The following SLCO1C1 variants were observed in gnomAD, a reference collection of about 807,000 sequenced individuals.
SLCO1C1 encodes solute carrier organic anion transporter family member 1C1.
A neutral mutation model predicts 76.4 loss-of-function variants in SLCO1C1; 70 were observed. The observed-to-expected ratio is 0.92, with a 90% confidence interval of 0.76 to 1.12. The LOEUF (loss-of-function observed/expected upper bound fraction) is 1.12. Among genes scored for constraint, SLCO1C1 ranks in the 50% most tolerant of loss-of-function variants. The probability of loss-of-function intolerance (pLI) is 0.00; values close to 1 mark genes in which losing one functional copy is unlikely to be tolerated. For synonymous variants in SLCO1C1, 306 were observed against 286.1 expected (o/e 1.07, Z -0.70); for missense variants, 912 against 823.8 (o/e 1.11, Z -1.31).
chr12:20,750,585 AT>A, intron 13 of SLCO1C1, 89 bp from the exon 14 acceptor site: 1 of 1,172,894 alleles, frequency 8.5e-7, no homozygotes, highest in East Asian at 2.3e-5. Context: ...CAAAACAGTA[AT>A]TAGATTAAAG....
intron 9 of SLCO1C1, among the ~76,000 whole-genome samples, chr12:20,723,568 T>G (rs1458076481): frequency 1.3e-5 from 2 of 152,124 alleles, no homozygotes; most frequent in African/African-American, 4.8e-5. Context: ...CATGAACAGT[T>G]TCTAGGATTA....
At chr12:20,717,272 C>T in intron 7 of SLCO1C1, 42 bp downstream of exon 7, 1 of 1,485,270 alleles carries the variant, frequency 6.7e-7, no homozygotes, top group Non-Finnish European at 9.1e-7. Context: ...ATTTTAGTCA[C>T]TGTAACATTT....
intron 13 of SLCO1C1, among the ~76,000 whole-genome samples, chr12:20,747,874 T>C (rs1420887608): frequency 6.6e-6 from 1 of 152,182 alleles, no homozygotes; most frequent in African/African-American, 2.4e-5. Flanking sequence ...CATTTATCAA[T>C]TACCCAATTT....
In SLCO1C1 at chr12:20,732,922, T is replaced by TATG; in HGVS notation, c.1200_1201insATG (p.Ile400_Pro401insMet). 1.2e-6 allele frequency: 2 copies of TATG among 1,614,032 alleles called. No individual in the cohort carries two copies. Among genetic ancestry groups the TATG allele is most frequent in the Non-Finnish European group, 1.7e-6 (2 of 1,179,948 alleles). ...CTTGTTTCTCAGGGCTCATCAACAT[T>TATG]CCAGCAGTGGCCCTTGGAATATTCT... On this transcript the variant is annotated inframe_insertion, in exon 10 of 15. Transcript: ENST00000266509.
chr12:20,712,887 AAG>A (rs1432677804), intron 5 of SLCO1C1, among the ~76,000 whole-genome samples: 2 of 152,194 alleles, frequency 1.3e-5, no homozygotes, highest in African/African-American at 4.8e-5. Context: ...ATTCTAGACA[AAG>A]AGGAGAATAT....
At chr12:20,745,489 A>G (rs1408507398) in intron 13 of SLCO1C1, among the ~76,000 whole-genome samples, 1 of 152,162 alleles carries the variant, frequency 6.6e-6, no homozygotes, top group Non-Finnish European at 1.5e-5. Context: ...ACTTGGAATT[A>G]ATATTTTTAG....
At position 20,752,967 on chromosome 12, in the gene SLCO1C1, A is replaced by G. The variant is rs1949379403; in HGVS notation, c.*439A>G. 1 of 152,344 alleles carries G rather than the reference A, an allele frequency of 6.6e-6. No homozygotes were observed. Among genetic ancestry groups the G allele is most frequent in the African/African-American group, 2.4e-5 (1 of 41,430 alleles). The allele number at this position is 152,344 out of a possible 1,614,324, so 9.4% of individuals were successfully genotyped here. ...TATTACTCCTATAGTATTTTCTCCC[A>G]TAGCTGTCTTCATCTGTGTATTTTA... On this transcript the variant is annotated 3_prime_UTR_variant, in exon 15 of 15. Transcript: ENST00000266509.
intron 5 of SLCO1C1, among the ~76,000 whole-genome samples, chr12:20,713,231 T>C (rs371984604): frequency 0.023 from 3,514 of 151,546 alleles, 55 homozygotes; most frequent in Middle Eastern, 0.075. Flanking sequence ...AGGCGCCCGC[T>C]ACCACGCCCG....
chr12:20,735,930 CTT>C (rs1431185227), intron 10 of SLCO1C1, among the ~76,000 whole-genome samples: 8 of 152,084 alleles, frequency 5.3e-5, no homozygotes, highest in African/African-American at 1.9e-4. Flanking sequence ...TCCTGCCTCT[CTT>C]GATTGTACAG....
intron 9 of SLCO1C1, among the ~76,000 whole-genome samples, chr12:20,727,686 T>A (rs542012262): frequency 6.6e-6 from 1 of 152,032 alleles, no homozygotes; most frequent in East Asian, 1.9e-4. Flanking sequence ...ATTTTTTGTA[T>A]TTTTAGTAGA....
chr12:20,734,530 C>T (rs1437951961), intron 10 of SLCO1C1, among the ~76,000 whole-genome samples: 1 of 152,146 alleles, frequency 6.6e-6, no homozygotes, highest in African/African-American at 2.4e-5. Context: ...TTCATGATCT[C>T]ATTATATCCT....
chr12:20,715,573 T>A (rs1354377834), intron 6 of SLCO1C1, among the ~76,000 whole-genome samples: 1 of 152,198 alleles, frequency 6.6e-6, no homozygotes, highest in African/African-American at 2.4e-5. Context: ...GGCTTCAGAT[T>A]TCATAGGTTC....
At chr12:20,701,237 G>T (rs1249770344) in intron 2 of SLCO1C1, 81 bp from the exon 3 acceptor site, 1 of 1,283,560 alleles carries the variant, frequency 7.8e-7, no homozygotes, top group Non-Finnish European at 1.0e-6. Flanking sequence ...TGTTTGTTTT[G>T]TATTTGTTTG....
Position 20,715,219 on chromosome 12 carries a change from A to G in SLCO1C1, c.610A>G (p.Ile204Val). The change falls in exon 6 of 15, where the codon ATT (isoleucine) becomes GTT (valine). Residue 204 changes from isoleucine (I) to valine (V), a missense_variant. Coordinates refer to ENST00000266509, the MANE Select transcript of SLCO1C1 (RefSeq NM_017435.5). ...NLLRGIGETP[I>V]QPLGIAYLDD... ...TCTTCGTGGAATAGGAGAAACTCCC[A>G]TTCAGCCTTTGGGCATTGCCTACCT... The G allele has an allele frequency of 1.2e-6, 2 of 1,614,100 alleles. No homozygotes were observed. The highest frequency in any genetic ancestry group is 1.7e-6 in the Non-Finnish European group (2 of 1,179,942).
intron 5 of SLCO1C1, among the ~76,000 whole-genome samples, chr12:20,712,427 C>CA (rs948077625): frequency 6.6e-6 from 1 of 152,152 alleles, no homozygotes; most frequent in African/African-American, 2.4e-5. Context: ...TTTCCTTACT[C>CA]AGAGTAGCCA....
intron 7 of SLCO1C1, among the ~76,000 whole-genome samples, chr12:20,717,524 C>T (rs1464551451): frequency 6.6e-6 from 1 of 151,582 alleles, no homozygotes; most frequent in African/African-American, 2.4e-5. Context: ...ACTGTAGCTA[C>T]TTGTTGGCTC....
At chr12:20,724,673 A>T (rs1947875242) in intron 9 of SLCO1C1, among the ~76,000 whole-genome samples, 1 of 148,338 alleles carries the variant, frequency 6.7e-6, no homozygotes, top group South Asian at 2.1e-4. Flanking sequence ...TTTTCAACTG[A>T]AGTGAAATCT....
chr12:20,732,100 T>C (rs867279296), intron 9 of SLCO1C1, among the ~76,000 whole-genome samples: 2 of 152,174 alleles, frequency 1.3e-5, no homozygotes, highest in East Asian at 3.9e-4. Flanking sequence ...TTCCTAGTGT[T>C]GTTTACAGCT....
At chr12:20,734,490 A>G (rs556858562) in intron 10 of SLCO1C1, among the ~76,000 whole-genome samples, 1 of 152,316 alleles carries the variant, frequency 6.6e-6, no homozygotes, top group African/African-American at 2.4e-5. Context: ...AGAGGACTTT[A>G]TAGTTTGTGA....
Sources: allele counts gnomAD v4.1 joint callset (sites outside exome capture counted in the v4.1 genomes callset), GRCh38; gene constraint gnomAD v4.1.1; transcripts MANE v1.5; gene names NCBI Gene and HGNC (gene_info 2026-07-23, HGNC 2026-07-21).